The following TP63 variants were observed in gnomAD, a reference collection of about 807,000 sequenced individuals.
The protein encoded by TP63 is tumor protein 63.
A neutral mutation model predicts 82.8 loss-of-function variants in TP63; 17 were observed. The observed-to-expected ratio is 0.21, with a 90% CI of 0.14 to 0.31. The LOEUF is 0.31. Among genes scored for constraint, TP63 ranks in the 10% least tolerant of loss-of-function variants. The pLI is 1.00. For missense variants in TP63, 648 were observed against 895.3 expected (o/e 0.72, Z 3.52); for synonymous variants, 330 against 321.7 (o/e 1.03, Z -0.28).
intron 4 of TP63, among the ~76,000 whole-genome samples, chr3:189,848,239 TTCTCTCTCTC>T (rs59468983): frequency 1.0e-5 from 1 of 95,982 alleles, no homozygotes; most frequent in South Asian, 4.2e-4. Flanking sequence ...CTCCTCCTCC[TTCTCTCTCTC>T]TCTCTCTCTC....
chr3:189,752,608 A>G (rs1236716078), intron 3 of TP63, among the ~76,000 whole-genome samples: 1 of 152,060 alleles, frequency 6.6e-6, no homozygotes, highest in Non-Finnish European at 1.5e-5. Context: ...TTATCATTCA[A>G]AGAACTTGGT....
chr3:189,825,969 C>T (rs1729308051), intron 4 of TP63, among the ~76,000 whole-genome samples: 2 of 152,140 alleles, frequency 1.3e-5, no homozygotes, highest in South Asian at 4.2e-4. Context: ...TTGCTTCTTG[C>T]TCCTTGTTTC....
chr3:189,773,442 G>GCT (rs1174378455), intron 3 of TP63, among the ~76,000 whole-genome samples: 2 of 152,180 alleles, frequency 1.3e-5, no homozygotes, highest in African/African-American at 4.8e-5. Flanking sequence ...CCCTGTTAGA[G>GCT]ATCTCTCTGA....
chr3:189,806,332 T>TA (rs1726901134), intron 3 of TP63, among the ~76,000 whole-genome samples: 1 of 152,134 alleles, frequency 6.6e-6, no homozygotes, highest in African/African-American at 2.4e-5. Context: ...AGTTTCTTTG[T>TA]CCTTTTTGTC....
intron 1 of TP63, among the ~76,000 whole-genome samples, chr3:189,669,032 C>T (rs1358050666): frequency 1.4e-5 from 2 of 143,456 alleles, no homozygotes; most frequent in African/African-American, 5.0e-5. Context: ...AAAAAAAAAA[C>T]CTTAAAATCC....
chr3:189,724,536 G>A (rs116521537), intron 1 of TP63, among the ~76,000 whole-genome samples: 7 of 152,196 alleles, frequency 4.6e-5, no homozygotes, highest in South Asian at 2.1e-4. Context: ...CTTTGCATCC[G>A]CATGGCTTAG....
Position 189,840,236 on chromosome 3 carries a change from T to C in TP63, c.580-23996T>C, listed in dbSNP as rs1053798034. Among the ~76,000 whole-genome samples, 6 of 152,280 alleles carry C rather than the reference T, an allele frequency of 3.9e-5. No individual in the cohort carries two copies. The East Asian group carries it at 7.7e-4, about 20-fold the overall frequency. The stretch of plus-strand genomic sequence containing the variant: ...ATTGAAAGTGCAGATCCTAACTTTT[T>C]TTTTCATGCAGTAATCCTCAAAAAG... On this transcript the variant is annotated intron_variant, in intron 4 of 13. Transcript: ENST00000264731.
intron 3 of TP63, among the ~76,000 whole-genome samples, chr3:189,774,222 G>A (rs1002423633): frequency 4.0e-5 from 6 of 151,384 alleles, no homozygotes; most frequent in Admixed American, 6.6e-5. Flanking sequence ...ACGCCCGGCC[G>A]TATTCTGTCT....
At chr3:189,743,121 T>A (rs1317311141) in intron 3 of TP63, among the ~76,000 whole-genome samples, 1 of 152,106 alleles carries the variant, frequency 6.6e-6, no homozygotes, top group Non-Finnish European at 1.5e-5. Context: ...AAACTAAATA[T>A]TCAAAATTTA....
intron 3 of TP63, among the ~76,000 whole-genome samples, chr3:189,782,708 A>G (rs1724318219): frequency 6.6e-6 from 1 of 152,176 alleles, no homozygotes; most frequent in African/African-American, 2.4e-5. Flanking sequence ...ACACATCACT[A>G]TTCAAACACA....
At chr3:189,856,250 G>C (rs1716276947) in intron 4 of TP63, among the ~76,000 whole-genome samples, 1 of 151,050 alleles carries the variant, frequency 6.6e-6, no homozygotes, top group South Asian at 2.1e-4. Context: ...AGAAGACCTA[G>C]AGAATTAATT....
rs544610909 is a variant in TP63 at position 189,730,055 on chromosome 3, A to C, written c.63-7685A>C. ...AAGCTAACCCGAAGACTCATTTTGC[A>C]AAAGATCTAGGGAGGTGGATAATGA... On this transcript the variant is annotated intron_variant, in intron 1 of 13. Coordinates refer to ENST00000264731, the MANE Select transcript of TP63 (RefSeq NM_003722.5). 1.4e-4 allele frequency among the ~76,000 whole-genome samples: 21 copies of C among 152,342 alleles called. No individual in the cohort carries two copies. The East Asian group carries it at 4.1e-3, about 29-fold the overall frequency.
chr3:189,682,027 G>A lies in TP63; in HGVS notation c.62+50450G>A, dbSNP rs1412426806. Among the ~76,000 whole-genome samples the A allele has an allele frequency of 1.5e-4, 23 of 152,154 alleles. 1 individual carries two copies. Among genetic ancestry groups the A allele is most frequent in the Non-Finnish European group, 3.1e-4 (21 of 68,028 alleles). ...GTGGGAGGATCACCTGAGAACAGGA[G>A]TCCGAGACCAGCCTGGCCAACATGG... On this transcript the variant is annotated intron_variant, in intron 1 of 13. Transcript: ENST00000264731.
intron 3 of TP63, among the ~76,000 whole-genome samples, chr3:189,748,054 T>C (rs535689035): frequency 6.6e-6 from 1 of 152,158 alleles, no homozygotes; most frequent in East Asian, 1.9e-4. Flanking sequence ...TGCCTCTACA[T>C]AATGATGGCT....
intron 1 of TP63, among the ~76,000 whole-genome samples, chr3:189,734,128 TTCCC>T (rs1232117707): frequency 1.5e-5 from 2 of 134,824 alleles, no homozygotes; most frequent in Non-Finnish European, 3.2e-5. Context: ...CTTTCTCTCT[TTCCC>T]TCCCTCCCTC....
chr3:189,759,877 G>T (rs1051277783), intron 3 of TP63, among the ~76,000 whole-genome samples: 1 of 152,150 alleles, frequency 6.6e-6, no homozygotes, highest in Non-Finnish European at 1.5e-5. Context: ...AGTTCCACAT[G>T]GCCTGAGAGG....
At chr3:189,735,946 T>C (rs1720560949) in intron 1 of TP63, among the ~76,000 whole-genome samples, 1 of 152,060 alleles carries the variant, frequency 6.6e-6, no homozygotes, top group Non-Finnish European at 1.5e-5. Context: ...TTTGATATTA[T>C]ATGGTAGTTT....
intron 2 of TP63, among the ~76,000 whole-genome samples, chr3:189,738,099 G>A (rs1160972668): frequency 1.3e-5 from 2 of 152,082 alleles, no homozygotes; most frequent in African/African-American, 2.4e-5. Context: ...AGGGCCTAAG[G>A]CCTCCTGCAC....
chr3:189,729,471 T>C (rs950759261), intron 1 of TP63, among the ~76,000 whole-genome samples: 12 of 152,154 alleles, frequency 7.9e-5, no homozygotes, highest in African/African-American at 2.7e-4. Context: ...AGCCAGTAAC[T>C]AGGAGAAATG....
Sources: allele counts gnomAD v4.1 joint callset (sites outside exome capture counted in the v4.1 genomes callset), GRCh38; gene constraint gnomAD v4.1.1; transcripts MANE v1.5; gene names NCBI Gene and HGNC (gene_info 2026-07-23, HGNC 2026-07-21).